COP1: variants seen among roughly 807,000 people sequenced by gnomAD.
COP1 encodes the protein E3 ubiquitin-protein ligase COP1.
In COP1, 24 loss-of-function variants were observed where a neutral mutation model predicts 101.3. The observed-to-expected ratio is 0.24, with a 90% CI of 0.17 to 0.33. The LOEUF is 0.33. Among genes scored for constraint, COP1 ranks in the 10% least tolerant of loss-of-function variants. The pLI, the probability that COP1 is intolerant of heterozygous loss-of-function variation, is 1.00. For missense variants in COP1, 663 were observed against 906.2 expected (o/e 0.73, Z 3.45); for synonymous variants, 347 against 341.9 (o/e 1.01, Z -0.17).
intron 18 of COP1, among the ~76,000 whole-genome samples, chr1:175,959,331 C>T (rs983493932): frequency 6.6e-6 from 1 of 152,032 alleles, no homozygotes; most frequent in African/African-American, 2.4e-5. Context: ...ATCTACAAAA[C>T]TCTTACAGCA....
chr1:176,082,971 T>C (rs1348816301), intron 10 of COP1, among the ~76,000 whole-genome samples: 1 of 152,160 alleles, frequency 6.6e-6, no homozygotes, highest in Non-Finnish European at 1.5e-5. Flanking sequence ...TGTGCTTCCA[T>C]TCTAAAGACA....
At chr1:175,979,229 ATTG>A (rs1360326378) in intron 18 of COP1, among the ~76,000 whole-genome samples, 1 of 152,094 alleles carries the variant, frequency 6.6e-6, no homozygotes, top group Non-Finnish European at 1.5e-5. Context: ...TAAAAATAGA[ATTG>A]TTTTGTTAAT....
chr1:175,997,750 C>T (rs1427731411), intron 15 of COP1, among the ~76,000 whole-genome samples: 1 of 152,136 alleles, frequency 6.6e-6, no homozygotes, highest in African/African-American at 2.4e-5. Context: ...CAGGAAACAA[C>T]AGGTGCTGGA....
intron 11 of COP1, among the ~76,000 whole-genome samples, chr1:176,078,600 A>C (rs1678500764): frequency 7.0e-6 from 1 of 143,570 alleles, no homozygotes; most frequent in Non-Finnish European, 1.5e-5. Context: ...TTTATGGCTA[A>C]GTCTTCAAAA....
At chr1:176,037,192 G>C (rs897744263) in intron 14 of COP1, among the ~76,000 whole-genome samples, 9 of 152,088 alleles carry the variant, frequency 5.9e-5, no homozygotes, top group Non-Finnish European at 1.2e-4. Flanking sequence ...CACGAGGTCA[G>C]GAGATGGAGA....
intron 11 of COP1, among the ~76,000 whole-genome samples, chr1:176,055,115 T>C (rs1673221985): frequency 6.6e-6 from 1 of 152,336 alleles, no homozygotes; most frequent in Non-Finnish European, 1.5e-5. Context: ...ACTTTGGTCA[T>C]TCCTCCTCAT....
Position 175,998,778 on chromosome 1 carries a change from T to C in COP1, c.1730-9299A>G, listed in dbSNP as rs551673865. On this transcript the variant is annotated intron_variant, in intron 15 of 19. Coordinates refer to ENST00000367669, the MANE Select transcript of COP1 (RefSeq NM_022457.7). ...TTCCCTCATACACATTTTTGGTGTA[T>C]TCAAAAAACATAAGGTAATCCTAGG... is the stretch of plus-strand genomic sequence containing the variant. Among the ~76,000 whole-genome samples the C allele has an allele frequency of 1.3e-4, 20 of 152,210 alleles. No homozygotes were observed. In the East Asian group the frequency reaches 3.5e-3, roughly 26 times the overall value.
At chr1:176,166,207 A>G (rs1469530121) in intron 3 of COP1, among the ~76,000 whole-genome samples, 1 of 152,054 alleles carries the variant, frequency 6.6e-6, no homozygotes, top group Non-Finnish European at 1.5e-5. Context: ...GCTCCCTGCA[A>G]CCTCCGCCTC....
chr1:176,020,198 G>A (rs1666505831), intron 15 of COP1, among the ~76,000 whole-genome samples: 1 of 150,378 alleles, frequency 6.6e-6, no homozygotes, highest in Admixed American at 6.6e-5. Flanking sequence ...GTATTTGTAG[G>A]TACTCAGGAG....
rs770082017 is a variant in COP1, at chr1:175,989,427, T to C, written c.1782A>G (p.Val594=). ...DLRNTKQPIM[V]FKGHRKAVSY... is the part of the protein sequence containing the mutation. ...AGACTGCTTTACGGTGTCCTTTGAA[T>C]ACCATGATTGGCTGTTTAGTGTTAC... The change falls in exon 16 of 20, where the codon GTA becomes GTG. Residue 594 remains valine, a synonymous_variant. Transcript: ENST00000367669. 6.2e-7 allele frequency: 1 copy of C among 1,610,704 alleles called. No individual in the cohort carries two copies. The highest frequency in any genetic ancestry group is 8.5e-7 in the Non-Finnish European group (1 of 1,176,928).
intron 5 of COP1, among the ~76,000 whole-genome samples, chr1:176,162,034 A>G (rs1210929054): frequency 6.6e-6 from 1 of 152,188 alleles, no homozygotes; most frequent in African/African-American, 2.4e-5. Context: ...ACCATGTGAT[A>G]AAAAAGTCTA....
chr1:176,127,920 T>A (rs1283350885), intron 8 of COP1, among the ~76,000 whole-genome samples: 1 of 152,134 alleles, frequency 6.6e-6, no homozygotes, highest in Admixed American at 6.5e-5. Flanking sequence ...ATCTTTCTGA[T>A]AATGGCCAAT....
At chr1:175,947,136 T>A in intron 19 of COP1, 59 bp downstream of exon 19, 1 of 1,135,188 alleles carries the variant, frequency 8.8e-7, no homozygotes. Flanking sequence ...ATTTCTATAA[T>A]CCTGTTTCAG....
chr1:175,961,197 T>C (rs1489728104), intron 18 of COP1, among the ~76,000 whole-genome samples: 1 of 152,200 alleles, frequency 6.6e-6, no homozygotes, highest in Non-Finnish European at 1.5e-5. Context: ...TCTGTAATCA[T>C]GTGAGCTAAT....
chr1:176,055,177 T>C (rs568841137), intron 11 of COP1, among the ~76,000 whole-genome samples: 1 of 152,352 alleles, frequency 6.6e-6, no homozygotes, highest in East Asian at 1.9e-4. Flanking sequence ...CTCAAGCCTG[T>C]AATCCCATCA....
At chr1:176,026,058 T>C (rs1220373443) in intron 15 of COP1, among the ~76,000 whole-genome samples, 1 of 151,976 alleles carries the variant, frequency 6.6e-6, no homozygotes, top group Non-Finnish European at 1.5e-5. Context: ...CTATAAATCT[T>C]AAAGCTTACA....
At chr1:176,149,519 A>C (rs976716425) in intron 5 of COP1, among the ~76,000 whole-genome samples, 9 of 152,156 alleles carry the variant, frequency 5.9e-5, no homozygotes, top group African/African-American at 2.2e-4. Context: ...TTCACAAGTC[A>C]AATTTACTAT....
At chr1:176,039,019 A>C (rs1178057069) in intron 14 of COP1, among the ~76,000 whole-genome samples, 1 of 152,176 alleles carries the variant, frequency 6.6e-6, no homozygotes, top group Non-Finnish European at 1.5e-5. Flanking sequence ...ACAGTAGAAT[A>C]CACATTATTC....
chr1:176,123,941 C>G (rs2149654704), intron 8 of COP1, among the ~76,000 whole-genome samples: 1 of 152,254 alleles, frequency 6.6e-6, no homozygotes, highest in East Asian at 1.9e-4. Context: ...ATTTGAATCT[C>G]TAAGATCTAC....
Sources: gnomAD v4.1 joint callset for allele counts (sites outside exome capture counted in the v4.1 genomes callset) on GRCh38, gnomAD v4.1.1 for gene constraint, MANE v1.5 for transcripts, NCBI Gene and HGNC (gene_info 2026-07-23, HGNC 2026-07-21) for gene names.